ANKS1B: variants seen among roughly 807,000 people sequenced by gnomAD.
ANKS1B encodes ankyrin repeat and sterile alpha motif domain-containing protein 1B.
In ANKS1B, 36 loss-of-function variants were observed where a neutral mutation model predicts 148.3. The ratio of observed to expected loss-of-function variants is 0.24; its 90% CI spans 0.19 to 0.32. ANKS1B has a LOEUF of 0.32. Among genes scored for constraint, ANKS1B ranks in the 10% least tolerant of loss-of-function variants. The pLI, the probability that ANKS1B is intolerant of heterozygous loss-of-function variation, is 1.00. For synonymous variants in ANKS1B, 542 were observed against 560.8 expected, an observed-to-expected ratio of 0.97 and a Z score of 0.47; for missense variants, 1,157 against 1,542.6, an observed-to-expected ratio of 0.75 and a Z score of 4.19.
intron 8 of ANKS1B, among the ~76,000 whole-genome samples, chr12:99,666,882 GTGTGTGTGTGTGT>G (rs1375066675): frequency 2.8e-5 from 4 of 144,600 alleles, no homozygotes; most frequent in Non-Finnish European, 6.2e-5. Context: ...GTGTGTGTGT[GTGTGTGTGTGTGT>G]GGTGAGGACA....
chr12:99,304,863 C>A (rs550713127), intron 12 of ANKS1B, among the ~76,000 whole-genome samples: 1 of 152,058 alleles, frequency 6.6e-6, no homozygotes, highest in African/African-American at 2.4e-5. Flanking sequence ...CTTTGAGATT[C>A]CCTTGAATTC....
intron 14 of ANKS1B, among the ~76,000 whole-genome samples, chr12:99,192,873 G>A (rs1166266961): frequency 1.3e-5 from 2 of 151,932 alleles, no homozygotes; most frequent in African/African-American, 4.8e-5. Flanking sequence ...TACAATTTGA[G>A]TGCAAAAGTT....
intron 17 of ANKS1B, among the ~76,000 whole-genome samples, chr12:98,946,406 CTCAT>C (rs1227246345): frequency 2.6e-5 from 4 of 152,082 alleles, no homozygotes; most frequent in Non-Finnish European, 5.9e-5. Context: ...GTTATATTTC[CTCAT>C]TCATTCAACA....
chr12:98,779,830 C>T (rs1209719276), intron 24 of ANKS1B, among the ~76,000 whole-genome samples: 2 of 152,186 alleles, frequency 1.3e-5, no homozygotes, highest in Non-Finnish European at 2.9e-5. Flanking sequence ...TATTATCTGT[C>T]AACAACCATC....
intron 9 of ANKS1B, among the ~76,000 whole-genome samples, chr12:98,736,925 A>C (rs982716162): frequency 8.5e-5 from 13 of 152,224 alleles, no homozygotes; most frequent in African/African-American, 3.1e-4. Context: ...GCAATAAGTA[A>C]ATACATTTGA....
chr12:99,301,878 G>T (rs1039186795), intron 12 of ANKS1B, among the ~76,000 whole-genome samples: 6 of 152,128 alleles, frequency 3.9e-5, no homozygotes, highest in African/African-American at 1.4e-4. Flanking sequence ...GTCAAATGAG[G>T]TTAGTCTTTG....
At chr12:98,840,939 A>C (rs1205778263) in intron 17 of ANKS1B, among the ~76,000 whole-genome samples, 1 of 152,212 alleles carries the variant, frequency 6.6e-6, no homozygotes, top group Non-Finnish European at 1.5e-5. Context: ...AAGTATGTGC[A>C]ACATCCCAGA....
chr12:99,841,564 T>A (rs886751662), intron 1 of ANKS1B, among the ~76,000 whole-genome samples: 1 of 152,074 alleles, frequency 6.6e-6, no homozygotes, highest in Non-Finnish European at 1.5e-5. Context: ...TCAACCAACA[T>A]AGAAATTGAT....
At chr12:99,623,606 C>T (rs1241754202) in intron 9 of ANKS1B, among the ~76,000 whole-genome samples, 1 of 151,862 alleles carries the variant, frequency 6.6e-6, no homozygotes, top group East Asian at 1.9e-4. Context: ...AAACCAATAA[C>T]ATTTGGCTCT....
At chr12:99,132,789 A>C (rs2066549866) in intron 15 of ANKS1B, among the ~76,000 whole-genome samples, 1 of 152,122 alleles carries the variant, frequency 6.6e-6, no homozygotes, top group Non-Finnish European at 1.5e-5. Context: ...ATCAATATCC[A>C]CCTCAAAAAG....
intron 17 of ANKS1B, among the ~76,000 whole-genome samples, chr12:98,985,407 A>G (rs888289809): frequency 2.0e-5 from 3 of 151,610 alleles, no homozygotes; most frequent in African/African-American, 7.3e-5. Flanking sequence ...TAGTTTCCCA[A>G]CTTTCTATGT....
At chr12:99,668,975 GT>G (rs1257701891) in intron 8 of ANKS1B, among the ~76,000 whole-genome samples, 1 of 151,910 alleles carries the variant, frequency 6.6e-6, no homozygotes, top group Non-Finnish European at 1.5e-5. Context: ...ATCTCTAGAT[GT>G]TTCCTTTGAA....
chr12:99,658,014 A>G (rs866182310), intron 8 of ANKS1B, among the ~76,000 whole-genome samples: 18 of 151,402 alleles, frequency 1.2e-4, no homozygotes, highest in African/African-American at 4.1e-4. Flanking sequence ...TCAGAGTTCT[A>G]TAGTCAAATG....
chr12:99,115,175 T>C (rs928212990), intron 15 of ANKS1B, among the ~76,000 whole-genome samples: 2 of 152,202 alleles, frequency 1.3e-5, no homozygotes, highest in African/African-American at 4.8e-5. Context: ...ATGCATGCGA[T>C]GTTTACTGCA....
intron 17 of ANKS1B, among the ~76,000 whole-genome samples, chr12:98,882,857 T>C (rs2099714237): frequency 6.6e-6 from 1 of 152,172 alleles, no homozygotes; most frequent in African/African-American, 2.4e-5. Context: ...ATACAACAGC[T>C]AACGATTTTA....
At chr12:98,743,234 C>A (rs1268408917), downstream of ANKS1B, among the ~76,000 whole-genome samples, 1 of 152,128 alleles carries the variant, frequency 6.6e-6, no homozygotes, top group Non-Finnish European at 1.5e-5. Flanking sequence ...ATTGAACCAG[C>A]AATATTCCCA....
rs77596152 is a variant in ANKS1B at position 99,801,739 on chromosome 12, C to T, written c.669+4665G>A. Among the ~76,000 whole-genome samples the T allele has an allele frequency of 3.1e-3, 473 of 152,166 alleles. 2 individuals carry two copies. The highest frequency in any genetic ancestry group is 0.011 in the African/African-American group (459 of 41,524). On this transcript the variant is annotated intron_variant, in intron 4 of 26. Transcript: ENST00000683438. Reference sequence around the variant, plus strand: ...AATGGTACAGTTGAGAAAGAAAAAACGTATGGTATTAAAGACAGAAAATAT... The same window carrying T: ...AATGGTACAGTTGAGAAAGAAAAAATGTATGGTATTAAAGACAGAAAATAT...
chr12:99,615,033 T>C (rs1332509205), intron 9 of ANKS1B, among the ~76,000 whole-genome samples: 2 of 152,334 alleles, frequency 1.3e-5, no homozygotes, highest in Middle Eastern at 3.4e-3. Context: ...ATTCCATCCA[T>C]TACTGATATA....
At chr12:99,715,726 T>C (rs1352713798) in intron 8 of ANKS1B, among the ~76,000 whole-genome samples, 3 of 152,106 alleles carry the variant, frequency 2.0e-5, no homozygotes, top group Non-Finnish European at 4.4e-5. Flanking sequence ...CCAAGGAACA[T>C]CTCACCAATT....
Sources: allele counts gnomAD v4.1 joint callset (sites outside exome capture counted in the v4.1 genomes callset), GRCh38; gene constraint gnomAD v4.1.1; transcripts MANE v1.5; gene names NCBI Gene and HGNC (gene_info 2026-07-23, HGNC 2026-07-21).